The following SRSF6 variants were observed in gnomAD, a reference collection of about 807,000 sequenced individuals.
SRSF6 encodes the protein serine and arginine rich splicing factor 6.
In SRSF6, 17 loss-of-function variants were observed where a neutral mutation model predicts 42.0. The observed-to-expected ratio is 0.40, with a 90% CI of 0.28 to 0.61. SRSF6 has a LOEUF of 0.61. Among genes scored for constraint, SRSF6 ranks in the 20% least tolerant of loss-of-function variants. The pLI is 0.37. For synonymous variants in SRSF6, 204 were observed against 166.7 expected, an observed-to-expected ratio of 1.22 and a Z score of -1.72; for missense variants, 379 against 471.4, an observed-to-expected ratio of 0.80 and a Z score of 1.81.
At position 43,461,223 on chromosome 20, in the gene SRSF6, C is replaced by T; in HGVS notation, c.*160C>T. The T allele has an allele frequency of 9.7e-7, 1 of 1,035,598 alleles. No individual in the cohort carries two copies. Among genetic ancestry groups the T allele is most frequent in the South Asian group, 2.7e-5 (1 of 36,744 alleles). The allele number at this position is 1,035,598 out of a possible 1,614,324, so 64.2% of individuals were successfully genotyped here. A position where few individuals can be genotyped will look rare whatever the true frequency, so the allele number is the denominator to read the frequency against. On this transcript the variant is annotated 3_prime_UTR_variant, in exon 6 of 6. Coordinates refer to ENST00000244020, the MANE Select transcript of SRSF6 (RefSeq NM_006275.6). Reference sequence around the variant, plus strand: ...CAAATTGGATGAAAAAGATGAGGCTCTAAGGAAATGGTGGCATGAAGACCC... The same window carrying T: ...CAAATTGGATGAAAAAGATGAGGCTTTAAGGAAATGGTGGCATGAAGACCC...
chr20:43,458,276 G>A lies in SRSF6; in HGVS notation c.108-85G>A. 5 of 1,400,436 alleles carry A rather than the reference G, an allele frequency of 3.6e-6. No individual in the cohort carries two copies. The South Asian group carries it at 7.8e-5, about 22-fold the overall frequency. 86.8% of individuals were successfully genotyped at this position (1,400,436 alleles called of 1,614,324 possible). The stretch of plus-strand genomic sequence containing the variant: ...ATGGCGACGGCGCGGCGTCGCGGGG[G>A]CGCGCGGTGGGGTACGGGCGCGCGC... On this transcript the variant is annotated intron_variant, in intron 1 of 5. Transcript: ENST00000244020.
In SRSF6 at chr20:43,460,101, A is replaced by C; in HGVS notation, c.450A>C (p.Val150=). ...DAHKERTNEG[V]IEFRSYSDMK... ...ACAAGGAACGAACAAATGAGGGTGTAATTGAGTTTCGCTCCTACTCTGACA... is the reference window on the plus strand; with the variant it reads ...ACAAGGAACGAACAAATGAGGGTGTCATTGAGTTTCGCTCCTACTCTGACA... Residue 150 remains valine, a synonymous_variant, in exon 4 of 6, where the codon GTA becomes GTC. Coordinates refer to ENST00000244020, the MANE Select transcript of SRSF6 (RefSeq NM_006275.6). The C allele has an allele frequency of 5.0e-6, 8 of 1,614,256 alleles. No individual in the cohort carries two copies. Among genetic ancestry groups the C allele is most frequent in the East Asian group, 2.2e-5 (1 of 44,884 alleles).
In SRSF6 at chr20:43,460,799, C is replaced by G. The variant is rs1354700457; in HGVS notation, c.771C>G (p.Ser257=). Reference sequence around the variant, plus strand: ...CTAAGCCCAAGTCTGATCGGGGCTCCCATTCACATTCTCGAAGCAGATCTA... The same window carrying G: ...CTAAGCCCAAGTCTGATCGGGGCTCGCATTCACATTCTCGAAGCAGATCTA... ...SKSKPKSDRG[S]HSHSRSRSKD... Residue 257 remains serine (S), a synonymous_variant, in exon 6 of 6, where the codon TCC becomes TCG. Transcript: ENST00000244020. 2.5e-6 allele frequency: 4 copies of G among 1,614,102 alleles called. No homozygotes were observed. The highest frequency in any genetic ancestry group is 2.2e-5 in the East Asian group (1 of 44,880).
chr20:43,460,999 C>A lies in SRSF6; in HGVS notation c.971C>A (p.Ser324Ter), dbSNP rs761991964. 2 of 1,612,896 alleles carry A rather than the reference C, an allele frequency of 1.2e-6. No homozygotes were observed. The highest frequency in any genetic ancestry group is 1.7e-6 in the Non-Finnish European group (2 of 1,179,662). ...SVSPPPKRAT[S>*]RSRSRSRSKS... is the part of the protein sequence containing the mutation. ...TCCCCTCCACCAAAAAGAGCTACTT[C>A]AAGATCCCGTTCTAGATCTCGCTCA... Residue 324 changes from serine to a stop codon, truncating the protein, a stop_gained, in exon 6 of 6, where the codon TCA becomes TAA. Coordinates refer to ENST00000244020, the MANE Select transcript of SRSF6 (RefSeq NM_006275.6). LOFTEE classifies it high-confidence loss of function.
rs762641128 is a variant in SRSF6 at position 43,458,482 on chromosome 20, C to T, written c.229C>T (p.Arg77Cys). Residue 77 changes from arginine to cysteine, a missense_variant, in exon 2 of 6, where the codon CGC (arginine) becomes TGC (cysteine). Arg to Cys is a radical substitution (Grantham distance 180). Transcript: ENST00000244020. ...VEHARGPRRD[R>C]DGYSYGSRSG... is the part of the protein sequence containing the mutation. ...GCACGCCCGGGGCCCGCGTCGCGAT[C>T]GCGACGGCTACAGCTACGGAAGCCG... 58 of 1,511,696 alleles carry T rather than the reference C, an allele frequency of 3.8e-5. No individual in the cohort carries two copies. Among genetic ancestry groups the T allele is most frequent in the Non-Finnish European group, 4.8e-5 (55 of 1,135,360 alleles). The allele number at this position is 1,511,696 out of a possible 1,614,324, so 93.6% of individuals were successfully genotyped here. A position where few individuals can be genotyped will look rare whatever the true frequency, so the allele number is the denominator to read the frequency against.
In SRSF6 at chr20:43,461,155, G is replaced by C. The variant is rs2017583421; in HGVS notation, c.*92G>C. 6.9e-7 allele frequency: 1 copy of C among 1,442,214 alleles called. No individual in the cohort carries two copies. Among genetic ancestry groups the C allele is most frequent in the African/African-American group, 1.4e-5 (1 of 69,340 alleles). 89.3% of individuals were successfully genotyped at this position (1,442,214 alleles called of 1,614,324 possible). On this transcript the variant is annotated 3_prime_UTR_variant, in exon 6 of 6. Coordinates refer to ENST00000244020, the MANE Select transcript of SRSF6 (RefSeq NM_006275.6). ...TTATACTTGGCCTCTTCTGCAAGAG[G>C]AATCTCTTGAAAACAGGGGCACACA...
chr20:43,461,337 G>GTTTTGTTTT lies in SRSF6; in HGVS notation c.*278_*279insGTTTTTTTT, dbSNP rs2017589627. On this transcript the variant is annotated 3_prime_UTR_variant, in exon 6 of 6. Coordinates refer to ENST00000244020, the MANE Select transcript of SRSF6 (RefSeq NM_006275.6). ...GTAAAGATTAAGCTCATTTAGTGTT[G>GTTTTGTTTT]TTTTTTTTTTTTTTTTTTTTTTTTT... 9.1e-5 allele frequency: 4 copies of GTTTTGTTTT among 43,828 alleles called. No homozygotes were observed. Among genetic ancestry groups the GTTTTGTTTT allele is most frequent in the African/African-American group, 2.5e-4 (3 of 12,240 alleles). The allele number at this position is 43,828 out of a possible 1,614,324, so 2.7% of individuals were successfully genotyped here. A position where few individuals can be genotyped will look rare whatever the true frequency, so the allele number is the denominator to read the frequency against.
chr20:43,461,121 C>CTT lies in SRSF6; in HGVS notation c.*59_*60dup. ...ACACTTTCCTACTTAGGCAGTTACT[C>CTT]TTCCATGTTTATACTTGGCCTCTTC... On this transcript the variant is annotated 3_prime_UTR_variant, in exon 6 of 6. Transcript: ENST00000244020. 1 of 1,500,052 alleles carries CTT rather than the reference C, an allele frequency of 6.7e-7. No homozygotes were observed. 92.9% of individuals were successfully genotyped at this position (1,500,052 alleles called of 1,614,324 possible). A position where few individuals can be genotyped will look rare whatever the true frequency, so the allele number is the denominator to read the frequency against.
Position 43,460,125 on chromosome 20 carries a change from C to T in SRSF6, c.474C>T (p.Asp158=), listed in dbSNP as rs752175982. The T allele has an allele frequency of 1.2e-6, 2 of 1,614,210 alleles. No individual in the cohort carries two copies. Among genetic ancestry groups the T allele is most frequent in the Non-Finnish European group, 1.7e-6 (2 of 1,180,038 alleles). Reference sequence around the variant, plus strand: ...TAATTGAGTTTCGCTCCTACTCTGACATGAAGCGTGCTTTGGACAAACTGG... The same window carrying T: ...TAATTGAGTTTCGCTCCTACTCTGATATGAAGCGTGCTTTGGACAAACTGG... ...EGVIEFRSYS[D]MKRALDKLDG... Residue 158 remains aspartate (D), a synonymous_variant, in exon 4 of 6, where the codon GAC becomes GAT. Coordinates refer to ENST00000244020, the MANE Select transcript of SRSF6 (RefSeq NM_006275.6).
Position 43,462,781 on chromosome 20 carries a change from G to C in SRSF6, c.*1718G>C, listed in dbSNP as rs1450186804. On this transcript the variant is annotated 3_prime_UTR_variant, in exon 6 of 6. Coordinates refer to ENST00000244020, the MANE Select transcript of SRSF6 (RefSeq NM_006275.6). Reference sequence around the variant, plus strand: ...TAGGAATATAGTGCCCCAAAAGGCGGATGCTTCTTCCATTATCTTATTTTC... The same window carrying C: ...TAGGAATATAGTGCCCCAAAAGGCGCATGCTTCTTCCATTATCTTATTTTC... The C allele has an allele frequency of 6.6e-6, 1 of 152,384 alleles. No homozygotes were observed. Among genetic ancestry groups the C allele is most frequent in the Middle Eastern group, 3.4e-3 (1 of 294 alleles). 9.4% of individuals were successfully genotyped at this position (152,384 alleles called of 1,614,324 possible).
chr20:43,461,349 T>TTTTTG lies in SRSF6; in HGVS notation c.*290_*291insGTTTT, dbSNP rs2017593490. Reference sequence around the variant, plus strand: ...CTCATTTAGTGTTGTTTTTTTTTTTTTTTTTTTTTTTTTTTTTTTTTTTTT... The same window carrying TTTTTG: ...CTCATTTAGTGTTGTTTTTTTTTTTTTTTTGTTTTTTTTTTTTTTTTTTTTTTTTT... On this transcript the variant is annotated 3_prime_UTR_variant, in exon 6 of 6. Coordinates refer to ENST00000244020, the MANE Select transcript of SRSF6 (RefSeq NM_006275.6). The TTTTTG allele has an allele frequency of 8.3e-6, 1 of 120,840 alleles. No homozygotes were observed. The highest frequency in any genetic ancestry group is 4.0e-5 in the African/African-American group (1 of 25,208). 7.5% of individuals were successfully genotyped at this position (120,840 alleles called of 1,614,324 possible).
Position 43,462,223 on chromosome 20 carries a change from T to C in SRSF6, c.*1160T>C, listed in dbSNP as rs73289575. ...AGTGAAATGGGTAAACGCAAAACTT[T>C]TGTACTTTATTACGAGTAAAGTGTA... On this transcript the variant is annotated 3_prime_UTR_variant, in exon 6 of 6. Transcript: ENST00000244020. The C allele has an allele frequency of 3.3e-5, 5 of 152,142 alleles. No homozygotes were observed. The highest frequency in any genetic ancestry group is 4.8e-5 in the African/African-American group (2 of 41,382). 9.4% of individuals were successfully genotyped at this position (152,142 alleles called of 1,614,324 possible).
rs2017599699 is a variant in SRSF6 at position 43,461,513 on chromosome 20, C to G, written c.*450C>G. 1.3e-5 allele frequency: 2 copies of G among 152,754 alleles called. No homozygotes were observed. Among genetic ancestry groups the G allele is most frequent in the Non-Finnish European group, 2.9e-5 (2 of 68,530 alleles). 9.5% of individuals were successfully genotyped at this position (152,754 alleles called of 1,614,324 possible). A position where few individuals can be genotyped will look rare whatever the true frequency, so the allele number is the denominator to read the frequency against. On this transcript the variant is annotated 3_prime_UTR_variant, in exon 6 of 6. Transcript: ENST00000244020. ...TCAATTATGTTGGCTTTTTATAAAGCTTGAGTTATGTAAGATTTAAATAAA... is the reference window on the plus strand; with the variant it reads ...TCAATTATGTTGGCTTTTTATAAAGGTTGAGTTATGTAAGATTTAAATAAA...
In SRSF6 at chr20:43,459,842, T is replaced by C; in HGVS notation, c.328T>C (p.Tyr110His). The change falls in exon 3 of 6, where the codon TAC becomes CAC. Residue 110 changes from tyrosine to histidine, a missense_variant. Physicochemically the swap from Tyr to His is moderately conservative, Grantham distance 83. Around this residue, in one of 3 missense-constraint regions of SRSF6, gnomAD observed 43 missense variants for 108.5 expected, o/e 0.40. Transcript: ENST00000244020. Reference protein sequence around the residue: ...DKYGPPVRTEYRLIVENLSSR... With the variant: ...DKYGPPVRTEHRLIVENLSSR... Reference sequence around the variant, plus strand: ...ATACGGACCACCTGTTCGTACAGAATACAGGCTTATTGTAGAAAATCTTTC... The same window carrying C: ...ATACGGACCACCTGTTCGTACAGAACACAGGCTTATTGTAGAAAATCTTTC... 11 of 1,612,136 alleles carry C rather than the reference T, an allele frequency of 6.8e-6. No individual in the cohort carries two copies. Among genetic ancestry groups the C allele is most frequent in the Non-Finnish European group, 9.3e-6 (11 of 1,179,572 alleles).
Position 43,458,386 on chromosome 20 carries a change from T to C in SRSF6, c.133T>C (p.Ser45Pro). ...NGYGFVEFEDSRDADDAVYEL... is the reference protein window; with the variant it reads ...NGYGFVEFEDPRDADDAVYEL... The stretch of plus-strand genomic sequence containing the variant: ...GTACGGCTTCGTGGAGTTCGAGGAC[T>C]CCCGCGACGCCGACGACGCCGTTTA... Residue 45 changes from serine (S) to proline (P), a missense_variant, in exon 2 of 6, where the codon TCC (serine) becomes CCC (proline). Physicochemically the swap from Ser to Pro is moderately conservative, Grantham distance 74. This residue lies in a region of SRSF6 where 117 missense variants were observed against 146.8 expected (regional missense o/e 0.80). Transcript: ENST00000244020. 2 of 1,559,694 alleles carry C rather than the reference T, an allele frequency of 1.3e-6. No individual in the cohort carries two copies. The highest frequency in any genetic ancestry group is 8.6e-7 in the Non-Finnish European group (1 of 1,157,180).
chr20:43,461,320 T>G lies in SRSF6; in HGVS notation c.*257T>G, dbSNP rs983573520. 7.8e-6 allele frequency: 2 copies of G among 257,068 alleles called. No individual in the cohort carries two copies. The highest frequency in any genetic ancestry group is 1.4e-5 in the Non-Finnish European group (2 of 139,784). The allele number at this position is 257,068 out of a possible 1,614,324, so 15.9% of individuals were successfully genotyped here. On this transcript the variant is annotated 3_prime_UTR_variant, in exon 6 of 6. Coordinates refer to ENST00000244020, the MANE Select transcript of SRSF6 (RefSeq NM_006275.6). The stretch of plus-strand genomic sequence containing the variant: ...GAGCTAACGTAACTTTTGTAAAGAT[T>G]AAGCTCATTTAGTGTTGTTTTTTTT...
At position 43,460,925 on chromosome 20, in the gene SRSF6, C is replaced by A; in HGVS notation, c.897C>A (p.Ser299=). ...CAAAATCCAGATCAAGGAGCCAGTCCCGTTCCAATTCGCCGCTACCTGTTC... is the reference window on the plus strand; with the variant it reads ...CAAAATCCAGATCAAGGAGCCAGTCACGTTCCAATTCGCCGCTACCTGTTC... ...IKSKSRSRSQ[S]RSNSPLPVPP... The change falls in exon 6 of 6, where the codon TCC becomes TCA. Residue 299 remains serine (S), a synonymous_variant. Coordinates refer to ENST00000244020, the MANE Select transcript of SRSF6 (RefSeq NM_006275.6). 6.2e-7 allele frequency: 1 copy of A among 1,614,060 alleles called. No homozygotes were observed. The highest frequency in any genetic ancestry group is 8.5e-7 in the Non-Finnish European group (1 of 1,180,008).
chr20:43,459,245 C>T (rs1234800606), intron 2 of SRSF6: 1 of 1,352,110 alleles, frequency 7.4e-7, no homozygotes, highest in South Asian at 1.1e-5. Flanking sequence ...TGACCCTTGC[C>T]CTATGACCCT....
At chr20:43,458,324 C>A in intron 1 of SRSF6, 37 bp from the exon 2 acceptor site, 1 of 1,498,166 alleles carries the variant, frequency 6.7e-7, no homozygotes. Flanking sequence ...TGGCTAACGA[C>A]TCCCCCGCGG....
Sources: allele counts gnomAD v4.1 joint callset, GRCh38; gene constraint gnomAD v4.1.1; regional missense constraint gnomAD v4.1.1; transcripts MANE v1.5; gene names NCBI Gene and HGNC (gene_info 2026-07-23, HGNC 2026-07-21).